FER: variants seen among roughly 807,000 people sequenced by gnomAD.
FER encodes the protein FER tyrosine kinase.
In FER, 63 loss-of-function variants were observed where a neutral mutation model predicts 111.0. That is an observed-to-expected ratio of 0.57 (90% CI 0.46 to 0.70). The LOEUF is 0.70. Among genes scored for constraint, FER ranks in the 30% least tolerant of loss-of-function variants. The pLI is 0.00. For synonymous variants in FER, 327 were observed against 313.9 expected (o/e 1.04, Z -0.44); for missense variants, 914 against 954.0 (o/e 0.96, Z 0.55).
At chr5:108,929,403 C>T (rs1581242517) in intron 10 of FER, among the ~76,000 whole-genome samples, 1 of 152,116 alleles carries the variant, frequency 6.6e-6, no homozygotes, top group East Asian at 1.9e-4. Context: ...TAAGTCAATT[C>T]CTATCTCACC....
chr5:109,105,522 C>T (rs1452363491), intron 17 of FER, among the ~76,000 whole-genome samples: 2 of 152,062 alleles, frequency 1.3e-5, no homozygotes, highest in Non-Finnish European at 2.9e-5. Context: ...TTTTCTGTGA[C>T]GTTTTGAACC....
At chr5:109,165,710 T>C (rs781204703) in intron 17 of FER, among the ~76,000 whole-genome samples, 35 of 152,014 alleles carry the variant, frequency 2.3e-4, no homozygotes, top group Admixed American at 9.8e-4. Context: ...TCTATGACTA[T>C]TCATGAGGGA....
chr5:109,182,617 G>A (rs1758400263), intron 18 of FER, among the ~76,000 whole-genome samples: 1 of 152,148 alleles, frequency 6.6e-6, no homozygotes, highest in Non-Finnish European at 1.5e-5. Context: ...GGGAGTCCTT[G>A]AATTTGCTCT....
intron 13 of FER, among the ~76,000 whole-genome samples, chr5:108,985,372 T>C (rs1434134258): frequency 1.3e-5 from 2 of 152,172 alleles, no homozygotes; most frequent in Admixed American, 6.6e-5. Flanking sequence ...ATTTTTGTTT[T>C]TTCGTGCATT....
chr5:109,048,694 G>C (rs1772329335), intron 16 of FER, among the ~76,000 whole-genome samples: 1 of 152,102 alleles, frequency 6.6e-6, no homozygotes. Context: ...AATTGAAAAT[G>C]AAACCTTCTA....
intron 17 of FER, among the ~76,000 whole-genome samples, chr5:109,164,082 A>G (rs1756287441): frequency 6.6e-6 from 1 of 152,172 alleles, no homozygotes; most frequent in South Asian, 2.1e-4. Context: ...AATGTTTGAG[A>G]TTATAGCTGG....
chr5:108,808,366 G>T (rs1220345829), intron 3 of FER, among the ~76,000 whole-genome samples: 1 of 151,610 alleles, frequency 6.6e-6, no homozygotes, highest in Non-Finnish European at 1.5e-5. Context: ...ATTACTTCTT[G>T]TCCATTTTTT....
chr5:109,021,942 A>G (rs1455042708), intron 13 of FER, among the ~76,000 whole-genome samples: 1 of 152,106 alleles, frequency 6.6e-6, no homozygotes, highest in Non-Finnish European at 1.5e-5. Flanking sequence ...GGGAGAAGAT[A>G]GAGAAAGGTA....
chr5:109,125,045 C>CAAAAAAA (rs373849561), intron 17 of FER, among the ~76,000 whole-genome samples: 20 of 75,526 alleles, frequency 2.6e-4, no homozygotes, highest in African/African-American at 3.5e-4. Context: ...GACTCTGTCT[C>CAAAAAAA]AAAAAAAAAA....
In FER at chr5:109,195,752, A is replaced by C. The variant is rs1759703063; in HGVS notation, c.*8177A>C. ...GTGGCCAGGAGCATATTTATGGGCCATTTCTGTTCATCATTCTTTACAGAG... is the reference window on the plus strand; with the variant it reads ...GTGGCCAGGAGCATATTTATGGGCCCTTTCTGTTCATCATTCTTTACAGAG... On this transcript the variant is annotated 3_prime_UTR_variant, in exon 20 of 20. Coordinates refer to ENST00000281092, the MANE Select transcript of FER (RefSeq NM_005246.4). 1 of 152,174 alleles carries C rather than the reference A, an allele frequency of 6.6e-6. No individual in the cohort carries two copies. The highest frequency in any genetic ancestry group is 1.5e-5 in the Non-Finnish European group (1 of 68,026). The allele number at this position is 152,174 out of a possible 1,614,324, so 9.4% of individuals were successfully genotyped here.
At chr5:109,134,616 C>CTAG (rs1752702738) in intron 17 of FER, among the ~76,000 whole-genome samples, 1 of 152,156 alleles carries the variant, frequency 6.6e-6, no homozygotes, top group Admixed American at 6.5e-5. Flanking sequence ...CTACAACCAG[C>CTAG]TAGTGACTGA....
At chr5:109,132,804 A>T (rs1752497335) in intron 17 of FER, among the ~76,000 whole-genome samples, 1 of 152,172 alleles carries the variant, frequency 6.6e-6, no homozygotes, top group African/African-American at 2.4e-5. Context: ...AGGGACTGTC[A>T]CATCATCTGA....
At chr5:108,978,660 C>A (rs1462081474) in intron 13 of FER, among the ~76,000 whole-genome samples, 2 of 152,092 alleles carry the variant, frequency 1.3e-5, no homozygotes, top group Non-Finnish European at 2.9e-5. Context: ...CATTGTGGCA[C>A]ATAAAAGGTA....
chr5:108,939,992 G>A (rs547081639), intron 10 of FER, among the ~76,000 whole-genome samples: 2 of 151,998 alleles, frequency 1.3e-5, no homozygotes, highest in South Asian at 2.1e-4. Flanking sequence ...TCTTTATTGC[G>A]TCCTTGTGAG....
chr5:109,058,187 G>C (rs1773886158), intron 16 of FER, among the ~76,000 whole-genome samples: 1 of 151,962 alleles, frequency 6.6e-6, no homozygotes, highest in Non-Finnish European at 1.5e-5. Context: ...CTGTAAACAG[G>C]AATAGAAAAC....
chr5:108,845,063 T>TACACAC (rs1561503527), intron 5 of FER, among the ~76,000 whole-genome samples: 1 of 60,904 alleles, frequency 1.6e-5, no homozygotes, highest in African/African-American at 7.2e-5. Context: ...TATATATATA[T>TACACAC]ATATACACAC....
At chr5:108,851,528 C>T (rs936957885) in intron 5 of FER, among the ~76,000 whole-genome samples, 15 of 151,914 alleles carry the variant, frequency 9.9e-5, no homozygotes, top group African/African-American at 2.9e-4. Context: ...GGTTCTTGTG[C>T]GGATGCCATG....
intron 10 of FER, among the ~76,000 whole-genome samples, chr5:108,913,356 A>G (rs905183597): frequency 6.6e-6 from 1 of 152,192 alleles, no homozygotes; most frequent in Non-Finnish European, 1.5e-5. Flanking sequence ...ACCAAACAAA[A>G]ACAAAACACT....
chr5:108,772,375 C>G (rs1182241918), intron 2 of FER, among the ~76,000 whole-genome samples: 5 of 101,612 alleles, frequency 4.9e-5, no homozygotes, highest in African/African-American at 1.7e-4. Flanking sequence ...TTATAGGATT[C>G]AAGCAGGTTT....
Sources: gnomAD v4.1 joint callset for allele counts (sites outside exome capture counted in the v4.1 genomes callset) on GRCh38, gnomAD v4.1.1 for gene constraint, MANE v1.5 for transcripts, NCBI Gene and HGNC (gene_info 2026-07-23, HGNC 2026-07-21) for gene names.